SLC25A25: variants seen among roughly 807,000 people sequenced by gnomAD.
SLC25A25 encodes mitochondrial adenyl nucleotide antiporter SLC25A25.
In SLC25A25, 32 loss-of-function variants were observed where a neutral mutation model predicts 57.7. That is an observed-to-expected ratio of 0.55 (90% confidence interval 0.42 to 0.74). The LOEUF (loss-of-function observed/expected upper bound fraction) is 0.74, where lower values mean the gene tolerates loss of function less well. SLC25A25 is among the 30% of genes least tolerant of loss of function. The pLI is 0.00. For missense variants in SLC25A25, 556 were observed against 701.3 expected, an observed-to-expected ratio of 0.79 and a Z score of 2.34; for synonymous variants, 306 against 291.2, an observed-to-expected ratio of 1.05 and a Z score of -0.52.
At position 128,102,259 on chromosome 9, in the gene SLC25A25, C is replaced by A; in HGVS notation, c.513-111C>A. Reference sequence around the variant, plus strand: ...CTTTCTCCTGGGGGCAGAGGCACCTCGTGTGGTTTCTGGGCATCCGAATGC... The same window carrying A: ...CTTTCTCCTGGGGGCAGAGGCACCTAGTGTGGTTTCTGGGCATCCGAATGC... On this transcript the variant is annotated intron_variant, in intron 4 of 10. Transcript: ENST00000373069. The surrounding 1 kb of genome is among the most constrained non-coding windows in gnomAD (Gnocchi z 4.1). 2 of 1,400,750 alleles carry A rather than the reference C, an allele frequency of 1.4e-6. No homozygotes were observed. The highest frequency in any genetic ancestry group is 2.0e-6 in the Non-Finnish European group (2 of 1,008,056). The allele number at this position is 1,400,750 out of a possible 1,614,324, so 86.8% of individuals were successfully genotyped here.
rs368885931 is a variant in SLC25A25, at chr9:128,105,714, G to C, written c.784-15G>C. On this transcript the variant is annotated splice_polypyrimidine_tract_variant and intron_variant, in intron 6 of 10. Coordinates refer to ENST00000373069, the MANE Select transcript of SLC25A25 (RefSeq NM_001330988.2). ...GCCCCCCGGGTCCGTCTGACTGTTC[G>C]GTCCTCCCTCCCAGGTCCATGCCTC... 2 of 1,611,962 alleles carry C rather than the reference G, an allele frequency of 1.2e-6. No individual in the cohort carries two copies. Among genetic ancestry groups the C allele is most frequent in the East Asian group, 2.2e-5 (1 of 44,894 alleles).
chr9:128,086,328 A>AT (rs35134996), intron 1 of SLC25A25, among the ~76,000 whole-genome samples: 7,193 of 95,366 alleles, frequency 0.075, 840 homozygotes, highest in African/African-American at 0.23. Flanking sequence ...TACTCGGCTA[A>AT]TTTTTTTTTT....
Position 128,099,209 on chromosome 9 carries a change from C to A in SLC25A25, c.262-1887C>A. ...CTGCCCTGAAAGTGAGGAAGCCGAGCTGCAGAGTCCGGAGGCCCCTTGCCA... is the reference window on the plus strand; with the variant it reads ...CTGCCCTGAAAGTGAGGAAGCCGAGATGCAGAGTCCGGAGGCCCCTTGCCA... On this transcript the variant is annotated intron_variant, in intron 1 of 10. Transcript: ENST00000373069. This position sits in a 1 kb window ranked among gnomAD's most constrained non-coding sequence, Gnocchi z 6.8. 1 of 1,285,236 alleles carries A rather than the reference C, an allele frequency of 7.8e-7. No homozygotes were observed. Among genetic ancestry groups the A allele is most frequent in the South Asian group, 1.2e-5 (1 of 80,678 alleles). The allele number at this position is 1,285,236 out of a possible 1,614,324, so 79.6% of individuals were successfully genotyped here. A position where few individuals can be genotyped will look rare whatever the true frequency, so the allele number is the denominator to read the frequency against.
At chr9:128,071,167 T>C (rs984717228) in intron 1 of SLC25A25, among the ~76,000 whole-genome samples, 1 of 152,178 alleles carries the variant, frequency 6.6e-6, no homozygotes, top group African/African-American at 2.4e-5. Context: ...ACATCTGATA[T>C]TGATCCTAAT....
At chr9:128,079,776 A>G (rs926060149) in intron 1 of SLC25A25, among the ~76,000 whole-genome samples, 22 of 149,098 alleles carry the variant, frequency 1.5e-4, no homozygotes, top group African/African-American at 5.4e-4. Context: ...GCGGATCACG[A>G]GGTCAAGAGA....
At chr9:128,084,968 T>A (rs893100637) in intron 1 of SLC25A25, among the ~76,000 whole-genome samples, 151 of 152,202 alleles carry the variant, frequency 9.9e-4, no homozygotes, top group Non-Finnish European at 1.1e-3. Flanking sequence ...GAAAGCTACA[T>A]GTGAAAGGAA....
At chr9:128,073,890 T>C (rs941347331) in intron 1 of SLC25A25, among the ~76,000 whole-genome samples, 3 of 151,928 alleles carry the variant, frequency 2.0e-5, no homozygotes, top group African/African-American at 7.3e-5. Flanking sequence ...TGCGCCACCA[T>C]GCCCTGCTAA....
chr9:128,077,298 C>T (rs1007620680), intron 1 of SLC25A25, among the ~76,000 whole-genome samples: 1 of 151,280 alleles, frequency 6.6e-6, no homozygotes, highest in Non-Finnish European at 1.5e-5. Context: ...GAGGCCAAGT[C>T]GGGTGGATCA....
In SLC25A25 at chr9:128,099,908, T is replaced by C. The variant is rs1336558068; in HGVS notation, c.262-1188T>C. Among the ~76,000 whole-genome samples the C allele has an allele frequency of 6.6e-6, 1 of 152,168 alleles. No individual in the cohort carries two copies. The highest frequency in any genetic ancestry group is 1.5e-5 in the Non-Finnish European group (1 of 68,036). On this transcript the variant is annotated intron_variant, in intron 1 of 10. Transcript: ENST00000373069. The surrounding 1 kb of genome is among the most constrained non-coding windows in gnomAD (Gnocchi z 6.8). The stretch of plus-strand genomic sequence containing the variant: ...AGAAATCCGGAGGACACAGGAAGAC[T>C]ATACCATCTTCCTTGGGAGATTCTC...
At chr9:128,077,313 G>C (rs1833036298) in intron 1 of SLC25A25, among the ~76,000 whole-genome samples, 1 of 151,748 alleles carries the variant, frequency 6.6e-6, no homozygotes, top group Non-Finnish European at 1.5e-5. Context: ...GGATCACGAG[G>C]TCAGGGGATC....
chr9:128,085,120 G>A (rs1276812258), intron 1 of SLC25A25, among the ~76,000 whole-genome samples: 1 of 151,746 alleles, frequency 6.6e-6, no homozygotes, highest in Non-Finnish European at 1.5e-5. Flanking sequence ...ACTTGAGGTC[G>A]AGAGCTCAAG....
Position 128,069,665 on chromosome 9 carries a change from G to C in SLC25A25, c.261+1085G>C, listed in dbSNP as rs897702197. Among the ~76,000 whole-genome samples the C allele has an allele frequency of 3.9e-5, 6 of 152,280 alleles. No individual in the cohort carries two copies. In the East Asian group the frequency reaches 1.2e-3, roughly 29 times the overall value. ...TGGATCAACATCCAAGGTATTTAGC[G>C]CTAACTATTAGGATCAGCCTAGGAG... On this transcript the variant is annotated intron_variant, in intron 1 of 10. Transcript: ENST00000373069.
intron 1 of SLC25A25, 99 bp from the exon 2 acceptor site, chr9:128,100,997 C>G: frequency 6.6e-7 from 1 of 1,521,506 alleles, no homozygotes; most frequent in East Asian, 2.3e-5. Context: ...CAGCTCTGCT[C>G]GCAATTAGTG....
intron 1 of SLC25A25, among the ~76,000 whole-genome samples, chr9:128,081,817 A>G (rs1478041252): frequency 6.6e-6 from 1 of 151,990 alleles, no homozygotes; most frequent in African/African-American, 2.4e-5. Context: ...GCTACTTGGG[A>G]GGTTGAGGTG....
chr9:128,108,451 A>G lies in SLC25A25; in HGVS notation c.*1007A>G. On this transcript the variant is annotated 3_prime_UTR_variant, in exon 11 of 11. Transcript: ENST00000373069. ...TCTGACGCCCTGGGGGTTCCTGTCC[A>G]ACCCCAGCAGGGGCGCAGCGGGACC... 1 of 395,078 alleles carries G rather than the reference A, an allele frequency of 2.5e-6. No homozygotes were observed. Among genetic ancestry groups the G allele is most frequent in the Middle Eastern group, 6.3e-4 (1 of 1,582 alleles). 24.5% of individuals were successfully genotyped at this position (395,078 alleles called of 1,614,324 possible).
chr9:128,098,860 T>C (rs1004845657), intron 1 of SLC25A25: 5 of 1,499,652 alleles, frequency 3.3e-6, no homozygotes, highest in Admixed American at 2.2e-5. Flanking sequence ...CCCATTGCCA[T>C]GCGGCTATGG....
chr9:128,092,030 G>A, intron 1 of SLC25A25: 2 of 1,613,946 alleles, frequency 1.2e-6, no homozygotes, highest in Non-Finnish European at 1.7e-6. Flanking sequence ...AAGGGCTGAG[G>A]CCACGGAAAA....
chr9:128,096,395 A>C (rs1432112497), intron 1 of SLC25A25, among the ~76,000 whole-genome samples: 1 of 151,974 alleles, frequency 6.6e-6, no homozygotes, highest in African/African-American at 2.4e-5. Flanking sequence ...TATAATCTCA[A>C]CTACTCGGGA....
In SLC25A25 at chr9:128,102,151, A is replaced by C; in HGVS notation, c.512+36A>C. 4 of 1,549,880 alleles carry C rather than the reference A, an allele frequency of 2.6e-6. No individual in the cohort carries two copies. Among genetic ancestry groups the C allele is most frequent in the Non-Finnish European group, 3.5e-6 (4 of 1,146,432 alleles). ...ATGTCGCTCATGACTGCCTCCCTTGACTTCCATGCCTGATCAGAGCGGGAT... is the reference window on the plus strand; with the variant it reads ...ATGTCGCTCATGACTGCCTCCCTTGCCTTCCATGCCTGATCAGAGCGGGAT... On this transcript the variant is annotated intron_variant, in intron 4 of 10. Coordinates refer to ENST00000373069, the MANE Select transcript of SLC25A25 (RefSeq NM_001330988.2). This position sits in a 1 kb window ranked among gnomAD's most constrained non-coding sequence, Gnocchi z 4.1.
Sources: gnomAD v4.1 joint callset for allele counts (sites outside exome capture counted in the v4.1 genomes callset) on GRCh38, gnomAD v4.1.1 for gene constraint, Gnocchi (gnomAD v3.1) non-coding constraint, MANE v1.5 for transcripts, NCBI Gene and HGNC (gene_info 2026-07-23, HGNC 2026-07-21) for gene names.